The following PGBD2 variants were observed in gnomAD, a reference collection of about 807,000 sequenced individuals.
PGBD2 encodes piggyBac transposable element derived 2.
In PGBD2, 6 loss-of-function variants were observed where a neutral mutation model predicts 8.1. That is an observed-to-expected ratio of 0.74 (90% CI 0.40 to 1.46). The LOEUF is 1.46. PGBD2 is among the 40% of genes most tolerant of loss of function. The probability of loss-of-function intolerance (pLI) is 0.02; values close to 1 mark genes in which losing one functional copy is unlikely to be tolerated. For missense variants in PGBD2, 802 were observed against 739.0 expected (o/e 1.09, Z -0.99); for synonymous variants, 318 against 272.2 (o/e 1.17, Z -1.66).
the PGBD2 span, among the ~76,000 whole-genome samples, chr1:248,879,416 A>G: frequency 6.6e-6 from 1 of 152,032 alleles, no homozygotes; most frequent in East Asian, 1.9e-4. Context: ...GTTTTTTGAG[A>G]TAGGATCCTT....
chr1:248,875,980 T>C, the PGBD2 span, among the ~76,000 whole-genome samples: 1 of 151,054 alleles, frequency 6.6e-6, no homozygotes, highest in South Asian at 2.1e-4. Flanking sequence ...TGCTTGAATA[T>C]GTGTGACTTT....
At chr1:248,919,371 A>G (rs1000655025), downstream of PGBD2, 5 of 166,632 alleles carry the variant, frequency 3.0e-5, no homozygotes, top group African/African-American at 9.7e-5. Flanking sequence ...TATTTCACTT[A>G]ACATAATGAC....
chr1:248,923,139 G>T (rs560434386), downstream of PGBD2, among the ~76,000 whole-genome samples: 3 of 152,300 alleles, frequency 2.0e-5, no homozygotes, highest in African/African-American at 7.2e-5. Context: ...TTCAGAACTT[G>T]ATATTGGTTT....
upstream of PGBD2, among the ~76,000 whole-genome samples, chr1:248,905,562 C>T (rs1394852436): frequency 6.6e-6 from 1 of 152,062 alleles, no homozygotes; most frequent in African/African-American, 2.4e-5. Flanking sequence ...TCTATTTTTA[C>T]CAAGTAAAAA....
At chr1:248,890,625 T>A in the PGBD2 span, among the ~76,000 whole-genome samples, 1 of 150,804 alleles carries the variant, frequency 6.6e-6, no homozygotes, top group Admixed American at 6.6e-5. Context: ...ACATACCACA[T>A]CATACACATT....
At position 248,918,321 on chromosome 1, in the gene PGBD2, G is replaced by A; in HGVS notation, c.1737G>A (p.Lys579=). The part of the protein sequence containing the change: ...QTNTRCEKCQ[K]GVHAKCFREY... ...ACACCCGGTGTGAGAAGTGCCAGAA[G>A]GGTGTCCATGCCAAATGCTTCAGGG... Residue 579 remains lysine (K), a synonymous_variant, in exon 3 of 3, where the codon AAG becomes AAA. Transcript: ENST00000329291. 1.3e-6 allele frequency: 2 copies of A among 1,578,648 alleles called. No homozygotes were observed. The highest frequency in any genetic ancestry group is 8.6e-7 in the Non-Finnish European group (1 of 1,162,384).
the PGBD2 span, among the ~76,000 whole-genome samples, chr1:248,898,814 A>T: frequency 1.6e-4 from 24 of 152,016 alleles, no homozygotes; most frequent in Non-Finnish European, 1.8e-4. Context: ...AAAAAATGGC[A>T]AACTGGATAG....
At chr1:248,890,701 C>G in the PGBD2 span, among the ~76,000 whole-genome samples, 1 of 151,482 alleles carries the variant, frequency 6.6e-6, no homozygotes, top group Non-Finnish European at 1.5e-5. Context: ...AACACCGACC[C>G]CCACACACAC....
At chr1:248,929,127 G>A in the PGBD2 span, among the ~76,000 whole-genome samples, 1 of 152,146 alleles carries the variant, frequency 6.6e-6, no homozygotes, top group Non-Finnish European at 1.5e-5. Flanking sequence ...AGGGAGAAAT[G>A]TTTAAATCTG....
chr1:248,892,564 A>T, the PGBD2 span, among the ~76,000 whole-genome samples: 1 of 152,174 alleles, frequency 6.6e-6, no homozygotes, highest in African/African-American at 2.4e-5. Flanking sequence ...TCTAAGAAGC[A>T]CAACTGTAAA....
intron 1 of PGBD2, among the ~76,000 whole-genome samples, chr1:248,907,130 C>G (rs1010515617): frequency 6.6e-6 from 1 of 152,112 alleles, no homozygotes; most frequent in Admixed American, 6.5e-5. Flanking sequence ...AAGAGGAATG[C>G]GGTAGGAGAG....
chr1:248,908,866 T>G (rs1661760566), intron 1 of PGBD2, among the ~76,000 whole-genome samples: 1 of 152,070 alleles, frequency 6.6e-6, no homozygotes. Context: ...CCCTGCCTGC[T>G]GAGGGAATTG....
the PGBD2 span, among the ~76,000 whole-genome samples, chr1:248,883,319 C>T: frequency 1.3e-5 from 2 of 152,050 alleles, no homozygotes; most frequent in South Asian, 2.1e-4. Context: ...GATGAGGTTT[C>T]TCCATGTTGG....
chr1:248,917,000 T>C lies in PGBD2; in HGVS notation c.416T>C (p.Leu139Pro). The change falls in exon 3 of 3, where the codon CTG becomes CCG. Residue 139 changes from leucine (L) to proline (P), a missense_variant. Coordinates refer to ENST00000329291, the MANE Select transcript of PGBD2 (RefSeq NM_170725.3). ...ATTGAGGATCTGAAAAGCCAAGAGC[T>C]GAGTCCCGTGGGCCTTTTTGAGTTG... ...PHIEDLKSQELSPVGLFELFF... is the reference protein window; with the variant it reads ...PHIEDLKSQEPSPVGLFELFF... 1 of 1,613,572 alleles carries C rather than the reference T, an allele frequency of 6.2e-7. No individual in the cohort carries two copies. The highest frequency in any genetic ancestry group is 1.7e-5 in the Admixed American group (1 of 59,826).
intron 2 of PGBD2, among the ~76,000 whole-genome samples, chr1:248,914,085 A>C (rs570667408): frequency 9.2e-5 from 14 of 152,200 alleles, no homozygotes; most frequent in Non-Finnish European, 1.3e-4. Context: ...GTGGTTATGT[A>C]GCACTAATGT....
intron 2 of PGBD2, among the ~76,000 whole-genome samples, chr1:248,915,470 C>A (rs1662065088): frequency 6.6e-6 from 1 of 152,186 alleles, no homozygotes; most frequent in South Asian, 2.1e-4. Flanking sequence ...TTTTTCCCAA[C>A]CATAGGCTAA....
rs1419988146 is a variant in PGBD2 at position 248,918,335 on chromosome 1, A to C, written c.1751A>C (p.Lys584Thr). Residue 584 changes from lysine (K) to threonine (T), a missense_variant, in exon 3 of 3, where the codon AAA becomes ACA. By Grantham distance (78) the Lys-to-Thr change is moderately conservative (BLOSUM62 -1). Coordinates refer to ENST00000329291, the MANE Select transcript of PGBD2 (RefSeq NM_170725.3). Reference protein sequence around the residue: ...CEKCQKGVHAKCFREYHIR With the variant: ...CEKCQKGVHATCFREYHIR ...AAGTGCCAGAAGGGTGTCCATGCCA[A>C]ATGCTTCAGGGAGTACCACATCCGG... 6.4e-7 allele frequency: 1 copy of C among 1,569,262 alleles called. No homozygotes were observed. Among genetic ancestry groups the C allele is most frequent in the South Asian group, 1.2e-5 (1 of 82,160 alleles).
the PGBD2 span, among the ~76,000 whole-genome samples, chr1:248,891,238 G>T: frequency 1.3e-3 from 205 of 152,248 alleles, 4 homozygotes; most frequent in South Asian, 0.021. Context: ...TCTCAAGGTG[G>T]GGCAGCCCTG....
chr1:248,893,671 G>A, the PGBD2 span, among the ~76,000 whole-genome samples: 1 of 152,002 alleles, frequency 6.6e-6, no homozygotes, highest in African/African-American at 2.4e-5. Context: ...TCCATATCTT[G>A]GCTATTGTGG....
Sources: allele counts gnomAD v4.1 joint callset (sites outside exome capture counted in the v4.1 genomes callset), GRCh38; gene constraint gnomAD v4.1.1; transcripts MANE v1.5; gene names NCBI Gene and HGNC (gene_info 2026-07-23, HGNC 2026-07-21).